GYPE: variants seen among roughly 807,000 people sequenced by gnomAD.
GYPE encodes glycophorin-E.
A neutral mutation model predicts 11.6 loss-of-function variants in GYPE; 8 were observed. The observed-to-expected ratio is 0.69, with a 90% CI of 0.41 to 1.25. The LOEUF is 1.25. GYPE is among the 50% of genes most tolerant of loss of function. The pLI is 0.01. For missense variants in GYPE, 90 were observed against 92.8 expected, an observed-to-expected ratio of 0.97 and a Z score of 0.12; for synonymous variants, 28 against 29.6, an observed-to-expected ratio of 0.94 and a Z score of 0.18.
chr4:143,880,861 C>T lies in GYPE; in HGVS notation c.38-352G>A, dbSNP rs572014594. 1.9e-4 allele frequency among the ~76,000 whole-genome samples: 29 copies of T among 152,144 alleles called. No homozygotes were observed. In the East Asian group the frequency reaches 5.2e-3, roughly 27 times the overall value. ...ATGTGGTGTGTGTGTATGTGATGTG[C>T]ATGTGTTAGTATAGTACTTGGCACA... On this transcript the variant is annotated intron_variant, in intron 1 of 3. Transcript: ENST00000358615.
chr4:143,881,187 T>C (rs1744008734), intron 1 of GYPE, among the ~76,000 whole-genome samples: 1 of 130,688 alleles, frequency 7.7e-6, no homozygotes, highest in African/African-American at 2.9e-5. Context: ...CGAGACTCCG[T>C]CTCAAAAAAA....
chr4:143,879,082 C>T lies in GYPE; in HGVS notation c.136+1329G>A, dbSNP rs184439527. Among the ~76,000 whole-genome samples the T allele has an allele frequency of 3.9e-3, 596 of 152,240 alleles. 2 individuals are homozygous for T. The highest frequency in any genetic ancestry group is 6.0e-3 in the Non-Finnish European group (405 of 68,008). On this transcript the variant is annotated intron_variant, in intron 2 of 3. Coordinates refer to ENST00000358615, the MANE Select transcript of GYPE (RefSeq NM_198682.3). ...CAGTCCCATGCAAAGAGGGATCATG[C>T]GGCCATCAATTTTCCAGATGTATGC...
intron 3 of GYPE, among the ~76,000 whole-genome samples, chr4:143,873,920 C>T (rs1743699679): frequency 1.3e-5 from 2 of 151,878 alleles, no homozygotes; most frequent in South Asian, 4.1e-4. Context: ...CTAATTTGGA[C>T]AATGACAGTT....
chr4:143,883,769 T>A (rs1744146480), intron 1 of GYPE, among the ~76,000 whole-genome samples: 1 of 151,342 alleles, frequency 6.6e-6, no homozygotes, highest in Non-Finnish European at 1.5e-5. Flanking sequence ...AGCATCATTT[T>A]AAGACCAATG....
rs1303911578 is a variant in GYPE at position 143,882,646 on chromosome 4, TG to T, written c.38-2138del. Among the ~76,000 whole-genome samples, 3 of 152,324 alleles carry T rather than the reference TG, an allele frequency of 2.0e-5. No individual in the cohort carries two copies. The East Asian group carries it at 5.8e-4, about 29-fold the overall frequency. ...TGGCTCAGCTACATGGGAATACAAC[TG>T]GAAAAGGCAGCTGGAGCTCTCATCC... On this transcript the variant is annotated intron_variant, in intron 1 of 3. Coordinates refer to ENST00000358615, the MANE Select transcript of GYPE (RefSeq NM_198682.3).
intron 2 of GYPE, among the ~76,000 whole-genome samples, chr4:143,879,308 A>C (rs1203709860): frequency 6.6e-6 from 1 of 151,826 alleles, no homozygotes; most frequent in African/African-American, 2.4e-5. Flanking sequence ...TCTTACTACC[A>C]AAGCCACACA....
At chr4:143,905,033 T>C (rs1436222647) in intron 1 of GYPE, among the ~76,000 whole-genome samples, 2 of 152,138 alleles carry the variant, frequency 1.3e-5, no homozygotes, top group African/African-American at 4.8e-5. Context: ...GTTTCAGTGT[T>C]CATGCTTTTG....
At chr4:143,905,310 T>C (rs573180069) in intron 1 of GYPE, among the ~76,000 whole-genome samples, 161 bp downstream of exon 1, 137 of 152,272 alleles carry the variant, frequency 9.0e-4, no homozygotes, top group Non-Finnish European at 1.5e-3. Flanking sequence ...TTCCCCCACA[T>C]TGGTAGCTGA....
At chr4:143,875,329 T>C in intron 3 of GYPE, 1 of 761,184 alleles carries the variant, frequency 1.3e-6, no homozygotes, top group Non-Finnish European at 2.1e-6. Context: ...TTGTATTTTG[T>C]TTTATTTTTA....
At chr4:143,880,008 A>C (rs935767184) in intron 2 of GYPE, among the ~76,000 whole-genome samples, 1 of 152,126 alleles carries the variant, frequency 6.6e-6, no homozygotes, top group African/African-American at 2.4e-5. Context: ...CCCCATTTTA[A>C]AATTAATGGG....
chr4:143,904,186 T>A (rs1417501469), intron 1 of GYPE, among the ~76,000 whole-genome samples: 1 of 152,032 alleles, frequency 6.6e-6, no homozygotes, highest in Non-Finnish European at 1.5e-5. Flanking sequence ...TACGTAGGTT[T>A]GTTCCCTAGT....
Position 143,872,038 on chromosome 4 carries a change from C to A in GYPE, c.*224G>T, listed in dbSNP as rs1743636597. On this transcript the variant is annotated 3_prime_UTR_variant, in exon 4 of 4. Coordinates refer to ENST00000358615, the MANE Select transcript of GYPE (RefSeq NM_198682.3). ...GAATCGGGCAGAACTGGAGTTTAAT[C>A]CTCATGTCATGGTAAGGCCCTCTGA... 1.3e-5 allele frequency: 2 copies of A among 152,252 alleles called. No homozygotes were observed. The highest frequency in any genetic ancestry group is 4.1e-4 in the South Asian group (2 of 4,824). 9.4% of individuals were successfully genotyped at this position (152,252 alleles called of 1,614,324 possible).
intron 1 of GYPE, among the ~76,000 whole-genome samples, chr4:143,888,102 G>C (rs532131141): frequency 0.025 from 2,213 of 87,286 alleles, 55 homozygotes; most frequent in Non-Finnish European, 0.037. Flanking sequence ...CCATGGAGGT[G>C]GGGTGACTTG....
At chr4:143,890,981 A>C (rs1189024018) in intron 1 of GYPE, among the ~76,000 whole-genome samples, 2 of 152,084 alleles carry the variant, frequency 1.3e-5, no homozygotes, top group African/African-American at 4.8e-5. Flanking sequence ...TCTACCTGGC[A>C]GCTTCAGAAA....
At chr4:143,894,143 C>T (rs1009400844) in intron 1 of GYPE, among the ~76,000 whole-genome samples, 1 of 152,042 alleles carries the variant, frequency 6.6e-6, no homozygotes, top group Non-Finnish European at 1.5e-5. Flanking sequence ...GTTCTCGAGG[C>T]TTGGCTTTCA....
chr4:143,889,319 C>T (rs1744315689), intron 1 of GYPE, among the ~76,000 whole-genome samples: 1 of 152,018 alleles, frequency 6.6e-6, no homozygotes, highest in Non-Finnish European at 1.5e-5. Flanking sequence ...TCTGTCATTC[C>T]AGCCAGTGCA....
chr4:143,900,210 A>G (rs1744808637), intron 1 of GYPE, among the ~76,000 whole-genome samples: 1 of 140,766 alleles, frequency 7.1e-6, no homozygotes, highest in South Asian at 2.5e-4. Context: ...CAGCATCATG[A>G]GTTATCAGGA....
At chr4:143,883,944 G>C (rs1470051460) in intron 1 of GYPE, among the ~76,000 whole-genome samples, 23 of 152,214 alleles carry the variant, frequency 1.5e-4, no homozygotes, top group Admixed American at 2.6e-4. Context: ...CTGTTCAGCA[G>C]GATGTTAGGG....
chr4:143,903,976 A>T (rs1486905903), intron 1 of GYPE, among the ~76,000 whole-genome samples: 1 of 152,144 alleles, frequency 6.6e-6, no homozygotes, highest in Non-Finnish European at 1.5e-5. Flanking sequence ...CAAAGAATAC[A>T]TCTTTTTTTT....
Sources: gnomAD v4.1 joint callset for allele counts (sites outside exome capture counted in the v4.1 genomes callset) on GRCh38, gnomAD v4.1.1 for gene constraint, MANE v1.5 for transcripts, NCBI Gene and HGNC (gene_info 2026-07-23, HGNC 2026-07-21) for gene names.